The following SLC24A2 variants were observed in gnomAD, a reference collection of about 807,000 sequenced individuals.
The protein encoded by SLC24A2 is sodium/potassium/calcium exchanger 2.
In SLC24A2, 36 loss-of-function variants were observed where a neutral mutation model predicts 62.0. The ratio of observed to expected loss-of-function variants is 0.58; its 90% CI spans 0.44 to 0.77. The LOEUF (loss-of-function observed/expected upper bound fraction) is 0.77. Among genes scored for constraint, SLC24A2 ranks in the 30% least tolerant of loss-of-function variants. SLC24A2 has a pLI of 0.00. For synonymous variants in SLC24A2, 358 were observed against 294.0 expected, an observed-to-expected ratio of 1.22 and a Z score of -2.23; for missense variants, 846 against 817.9, an observed-to-expected ratio of 1.03 and a Z score of -0.42.
At chr9:20,192,378 T>TAG in the SLC24A2 span, among the ~76,000 whole-genome samples, 1 of 151,710 alleles carries the variant, frequency 6.6e-6, no homozygotes, top group African/African-American at 2.4e-5. Flanking sequence ...ATTGGGAAGA[T>TAG]ATATATATAT....
At chr9:20,148,367 G>A in the SLC24A2 span, among the ~76,000 whole-genome samples, 69 of 152,150 alleles carry the variant, frequency 4.5e-4, no homozygotes, top group Admixed American at 1.2e-3. Flanking sequence ...GCTATCAGAG[G>A]TGTCTGTTTC....
At chr9:20,107,937 A>G in the SLC24A2 span, among the ~76,000 whole-genome samples, 1 of 152,224 alleles carries the variant, frequency 6.6e-6, no homozygotes, top group African/African-American at 2.4e-5. Context: ...AATTTTCGCA[A>G]CCTACTCATC....
intron 4 of SLC24A2, 93 bp downstream of exon 4, chr9:19,619,491 G>C: frequency 1.0e-6 from 1 of 988,452 alleles, no homozygotes; most frequent in Non-Finnish European, 1.6e-6. Flanking sequence ...TGGCAGGCGT[G>C]CATGACGACA....
At chr9:19,762,294 C>A (rs547902317) in intron 2 of SLC24A2, among the ~76,000 whole-genome samples, 1 of 152,182 alleles carries the variant, frequency 6.6e-6, no homozygotes, top group Non-Finnish European at 1.5e-5. Context: ...TTTTGCTCTG[C>A]AGAAGCTCTT....
the SLC24A2 span, among the ~76,000 whole-genome samples, chr9:20,113,823 A>C: frequency 7.1e-4 from 108 of 152,326 alleles, 3 homozygotes; most frequent in South Asian, 0.011. Flanking sequence ...TCTTTCAATC[A>C]AGATGGAGTA....
At chr9:20,234,126 G>C in the SLC24A2 span, among the ~76,000 whole-genome samples, 79 of 152,318 alleles carry the variant, frequency 5.2e-4, 1 homozygote, top group African/African-American at 1.9e-3. Flanking sequence ...CCCTTTGCGG[G>C]TAACCCGACC....
chr9:19,782,355 T>C (rs1464850001), intron 2 of SLC24A2, among the ~76,000 whole-genome samples: 2 of 152,234 alleles, frequency 1.3e-5, no homozygotes, highest in East Asian at 3.9e-4. Context: ...TAAATAAAAA[T>C]ACCCCAAAAG....
At chr9:19,609,526 T>A (rs759673325) in intron 4 of SLC24A2, among the ~76,000 whole-genome samples, 2 of 152,252 alleles carry the variant, frequency 1.3e-5, no homozygotes, top group Admixed American at 1.3e-4. Flanking sequence ...AGAGTTTAAT[T>A]TGGAGAGAAC....
chr9:20,252,134 C>T, the SLC24A2 span, among the ~76,000 whole-genome samples: 1 of 152,136 alleles, frequency 6.6e-6, no homozygotes, highest in African/African-American at 2.4e-5. Context: ...AATGTGTTCA[C>T]ATTATGAATG....
chr9:20,018,972 G>A, the SLC24A2 span, among the ~76,000 whole-genome samples: 1 of 151,848 alleles, frequency 6.6e-6, no homozygotes, highest in African/African-American at 2.4e-5. Context: ...GCTGAGGTAG[G>A]AGGAGCATTT....
the SLC24A2 span, among the ~76,000 whole-genome samples, chr9:20,102,775 A>G: frequency 6.6e-6 from 1 of 152,154 alleles, no homozygotes. Flanking sequence ...GCGACACAGA[A>G]GACGGGTGAT....
intron 2 of SLC24A2, among the ~76,000 whole-genome samples, chr9:19,711,284 T>A (rs952919738): frequency 3.3e-5 from 5 of 152,258 alleles, no homozygotes; most frequent in African/African-American, 1.2e-4. Context: ...TAAAGTTGTA[T>A]GTGCTTGGAT....
chr9:20,276,614 G>C, the SLC24A2 span, among the ~76,000 whole-genome samples: 1 of 152,194 alleles, frequency 6.6e-6, no homozygotes, highest in Non-Finnish European at 1.5e-5. Flanking sequence ...TGCCCTAGTG[G>C]GGATTCTGTG....
At chr9:20,224,366 A>G in the SLC24A2 span, among the ~76,000 whole-genome samples, 3 of 152,176 alleles carry the variant, frequency 2.0e-5, no homozygotes, top group East Asian at 5.8e-4. Context: ...GAATACTATC[A>G]GAGAAATTCA....
intron 8 of SLC24A2, among the ~76,000 whole-genome samples, chr9:19,543,065 C>G (rs780207651): frequency 1.3e-5 from 2 of 151,936 alleles, no homozygotes; most frequent in Non-Finnish European, 2.9e-5. Flanking sequence ...TCATCTGGTT[C>G]TGGACTTTGG....
At chr9:19,848,780 C>G in the SLC24A2 span, among the ~76,000 whole-genome samples, 1 of 152,196 alleles carries the variant, frequency 6.6e-6, no homozygotes, top group Non-Finnish European at 1.5e-5. Flanking sequence ...AATGGTTTCA[C>G]ACTTCCTTGT....
At chr9:20,041,881 C>A in the SLC24A2 span, among the ~76,000 whole-genome samples, 6 of 152,382 alleles carry the variant, frequency 3.9e-5, no homozygotes, top group East Asian at 1.2e-3. Flanking sequence ...GCAATGCGCA[C>A]TCCTAATCCC....
At chr9:19,941,556 A>AGT in the SLC24A2 span, among the ~76,000 whole-genome samples, 3,846 of 134,120 alleles carry the variant, frequency 0.029, 62 homozygotes, top group Middle Eastern at 0.069. Flanking sequence ...GAGGACTGGG[A>AGT]GTGTGTGTGT....
At chr9:19,729,841 T>C (rs899450566) in intron 2 of SLC24A2, among the ~76,000 whole-genome samples, 79 of 152,188 alleles carry the variant, frequency 5.2e-4, no homozygotes, top group African/African-American at 1.8e-3. Flanking sequence ...ATATGTTAGA[T>C]AGTTTCAAGT....
Sources: allele counts gnomAD v4.1 joint callset (sites outside exome capture counted in the v4.1 genomes callset), GRCh38; gene constraint gnomAD v4.1.1; transcripts MANE v1.5; gene names NCBI Gene and HGNC (gene_info 2026-07-23, HGNC 2026-07-21).